The following SHB variants were observed in gnomAD, a reference collection of about 807,000 sequenced individuals.
The protein encoded by SHB is SH2 domain-containing adapter protein B.
SHB carries 20 observed loss-of-function variants against 52.3 expected under a neutral mutation model. That is an observed-to-expected ratio of 0.38 (90% CI 0.27 to 0.56). The LOEUF (loss-of-function observed/expected upper bound fraction) is 0.56, where lower values mean the gene tolerates loss of function less well. Among genes scored for constraint, SHB ranks in the 20% least tolerant of loss-of-function variants. The probability of loss-of-function intolerance (pLI) is 0.71; values close to 1 mark genes in which losing one functional copy is unlikely to be tolerated. For synonymous variants in SHB, 397 were observed against 316.5 expected, an observed-to-expected ratio of 1.25 and a Z score of -2.70; for missense variants, 825 against 723.3, an observed-to-expected ratio of 1.14 and a Z score of -1.61.
In SHB at chr9:37,946,600, T is replaced by C. The variant is rs1832494164; in HGVS notation, c.1346+2035A>G. ...CAGTGCCAGCCCGGCAGGACCTTAG[T>C]TCAAGGGCTCAGTACTTCCCCACCT... On this transcript the variant is annotated intron_variant, in intron 5 of 5. Transcript: ENST00000377707. Among the ~76,000 whole-genome samples, 2 of 152,126 alleles carry C rather than the reference T, an allele frequency of 1.3e-5. 1 individual carries two copies. The highest frequency in any genetic ancestry group is 4.1e-4 in the South Asian group (2 of 4,826).
chr9:37,922,612 G>A (rs945571257), intron 5 of SHB, among the ~76,000 whole-genome samples: 5 of 152,170 alleles, frequency 3.3e-5, no homozygotes, highest in African/African-American at 1.2e-4. Context: ...TGTGCCGATG[G>A]GGCAGACTGG....
Position 37,957,363 on chromosome 9 carries a change from T to G in SHB, c.1055-1309A>C, listed in dbSNP as rs1237417819. ...CCTCAGCGCTGGCGGGGTAACGTGC[T>G]GTCTGCTGAAACCGAGGAGCGTGAT... On this transcript the variant is annotated intron_variant, in intron 3 of 5. Transcript: ENST00000377707. Among the ~76,000 whole-genome samples, 4 of 152,244 alleles carry G rather than the reference T, an allele frequency of 2.6e-5. No homozygotes were observed. In the East Asian group the frequency reaches 7.7e-4, roughly 29 times the overall value.
chr9:37,990,482 T>C (rs958377876), intron 2 of SHB, among the ~76,000 whole-genome samples: 2 of 152,142 alleles, frequency 1.3e-5, no homozygotes, highest in African/African-American at 4.8e-5. Flanking sequence ...TGAAATGGAA[T>C]AACATAAACA....
intron 1 of SHB, among the ~76,000 whole-genome samples, chr9:38,021,365 G>A (rs1408498104): frequency 1.3e-5 from 2 of 150,150 alleles, no homozygotes; most frequent in Non-Finnish European, 3.0e-5. Context: ...AAATAAAAAA[G>A]AATGATGAGG....
chr9:38,042,698 G>A (rs551000707), intron 1 of SHB, among the ~76,000 whole-genome samples: 3 of 152,350 alleles, frequency 2.0e-5, no homozygotes, highest in South Asian at 2.1e-4. Flanking sequence ...GGCCAAGAAA[G>A]CAGCAGCCAC....
intron 1 of SHB, among the ~76,000 whole-genome samples, chr9:38,027,190 C>A (rs1821352404): frequency 6.6e-6 from 1 of 152,116 alleles, no homozygotes; most frequent in Non-Finnish European, 1.5e-5. Context: ...GGGCTGAAAC[C>A]AGGGGCAGGG....
At position 37,916,276 on chromosome 9, in the gene SHB, C is replaced by A. The variant is rs1832097194; in HGVS notation, c.*3545G>T. On this transcript the variant is annotated 3_prime_UTR_variant, in exon 6 of 6. Transcript: ENST00000377707. ...ACAGCTGCCTGATTCGGCCATGACCCTTCACGGGTGTCTGTGGGCCAACAC... is the reference window on the plus strand; with the variant it reads ...ACAGCTGCCTGATTCGGCCATGACCATTCACGGGTGTCTGTGGGCCAACAC... Among the ~76,000 whole-genome samples, 1 of 152,240 alleles carries A rather than the reference C, an allele frequency of 6.6e-6. No homozygotes were observed. The highest frequency in any genetic ancestry group is 2.1e-4 in the South Asian group (1 of 4,836).
Position 37,955,977 on chromosome 9 carries a change from C to T in SHB, c.1132G>A (p.Gly378Arg), listed in dbSNP as rs1413035331. ...RDRRRQLRAP[G>R]GGFKPIKHGS... ...TGTTTGATAGGCTTAAAGCCCCCTC[C>T]AGGGGCACGAAGCTGGCGCCGCCGG... Residue 378 changes from glycine to arginine, a missense_variant, in exon 4 of 6, where the codon GGA becomes AGA. By Grantham distance (125) the Gly-to-Arg change is moderately radical. Coordinates refer to ENST00000377707, the MANE Select transcript of SHB (RefSeq NM_003028.3). 6.2e-7 allele frequency: 1 copy of T among 1,607,286 alleles called. No homozygotes were observed. The highest frequency in any genetic ancestry group is 1.1e-5 in the South Asian group (1 of 89,454).
At position 38,029,402 on chromosome 9, in the gene SHB, A is replaced by ACAT. The variant is rs1468695686; in HGVS notation, c.718-13272_718-13271insATG. ...TGACTTTGGGCAACTTACATGACATACTTGATCTCTCTGTGCTTCCATTTC... is the reference window on the plus strand; with the variant it reads ...TGACTTTGGGCAACTTACATGACATACATCTTGATCTCTCTGTGCTTCCATTTC... On this transcript the variant is annotated intron_variant, in intron 1 of 5. Coordinates refer to ENST00000377707, the MANE Select transcript of SHB (RefSeq NM_003028.3). 1.3e-5 allele frequency among the ~76,000 whole-genome samples: 2 copies of ACAT among 152,148 alleles called. 1 individual carries two copies. The highest frequency in any genetic ancestry group is 1.3e-4 in the Admixed American group (2 of 15,272).
In SHB at chr9:38,017,977, G is replaced by C. The variant is rs1284392885; in HGVS notation, c.718-1846C>G. ...CAGGGTTTTGTGTCTCAGAGTTCAA[G>C]GGGCCAGACATCCAAATGGAGAAAA... On this transcript the variant is annotated intron_variant, in intron 1 of 5. Transcript: ENST00000377707. 2.0e-5 allele frequency among the ~76,000 whole-genome samples: 3 copies of C among 152,198 alleles called. No homozygotes were observed. The South Asian group carries it at 6.2e-4, about 31-fold the overall frequency.
chr9:37,942,731 G>C (rs1832448480), intron 5 of SHB, among the ~76,000 whole-genome samples: 1 of 152,226 alleles, frequency 6.6e-6, no homozygotes, highest in Non-Finnish European at 1.5e-5. Flanking sequence ...CTTGGATTCA[G>C]ATATCTGACT....
intron 1 of SHB, among the ~76,000 whole-genome samples, chr9:38,043,249 T>C (rs1225253661): frequency 6.6e-6 from 1 of 152,220 alleles, no homozygotes; most frequent in Non-Finnish European, 1.5e-5. Flanking sequence ...TCTCTGCCTA[T>C]GCCACAGTGC....
At chr9:38,055,541 A>G (rs1393127204) in intron 1 of SHB, among the ~76,000 whole-genome samples, 1 of 151,946 alleles carries the variant, frequency 6.6e-6, no homozygotes, top group South Asian at 2.1e-4. Context: ...ACACCTTCAA[A>G]TCCTACCCAT....
chr9:38,060,639 T>A (rs765564541), intron 1 of SHB, among the ~76,000 whole-genome samples: 1 of 152,228 alleles, frequency 6.6e-6, no homozygotes, highest in Non-Finnish European at 1.5e-5. Context: ...TCAGAGTATG[T>A]ATAATAAAAG....
rs374720943 is a variant in SHB, at chr9:38,020,871, GCTTT to G, written c.718-4744_718-4741del. Among the ~76,000 whole-genome samples, 39 of 152,346 alleles carry G rather than the reference GCTTT, an allele frequency of 2.6e-4. 1 individual carries two copies. In the East Asian group the frequency reaches 6.2e-3, roughly 24 times the overall value. On this transcript the variant is annotated intron_variant, in intron 1 of 5. Transcript: ENST00000377707. ...AGCCCCGAGGATCTTGCAAGGCAAG[GCTTT>G]CTGTTTGAAACCCACAGCAGCTTTC...
chr9:38,003,230 C>T (rs918602905), intron 2 of SHB, among the ~76,000 whole-genome samples: 3 of 151,944 alleles, frequency 2.0e-5, no homozygotes, highest in Admixed American at 1.3e-4. Flanking sequence ...AGGGACCTGC[C>T]CCAGGTGGGT....
chr9:38,059,426 ACAGCTC>A (rs1821864124), intron 1 of SHB, among the ~76,000 whole-genome samples: 1 of 152,226 alleles, frequency 6.6e-6, no homozygotes, highest in African/African-American at 2.4e-5. Context: ...AAATCCAGAG[ACAGCTC>A]CCCTTGGAGA....
intron 5 of SHB, among the ~76,000 whole-genome samples, chr9:37,926,326 A>G (rs937905711): frequency 2.0e-5 from 3 of 151,912 alleles, no homozygotes; most frequent in Non-Finnish European, 4.4e-5. Flanking sequence ...CTATGCCTCT[A>G]AAGAAACTCT....
At chr9:38,003,711 G>A (rs1163211835) in intron 2 of SHB, among the ~76,000 whole-genome samples, 1 of 152,210 alleles carries the variant, frequency 6.6e-6, no homozygotes, top group Non-Finnish European at 1.5e-5. Context: ...TGTCCCAACT[G>A]TACTATGTCC....
Sources: allele counts gnomAD v4.1 joint callset (sites outside exome capture counted in the v4.1 genomes callset), GRCh38; gene constraint gnomAD v4.1.1; transcripts MANE v1.5; gene names NCBI Gene and HGNC (gene_info 2026-07-23, HGNC 2026-07-21).